The following LNX1 variants were observed in gnomAD, a reference collection of about 807,000 sequenced individuals.
LNX1 encodes the protein E3 ubiquitin-protein ligase LNX.
LNX1 carries 54 observed loss-of-function variants against 68.4 expected under a neutral mutation model. The observed-to-expected ratio is 0.79, with a 90% confidence interval of 0.63 to 0.99. The LOEUF (loss-of-function observed/expected upper bound fraction) is 0.99. Among genes scored for constraint, LNX1 ranks in the 50% least tolerant of loss-of-function variants. The pLI is 0.00. For synonymous variants in LNX1, 336 were observed against 350.0 expected (o/e 0.96, Z 0.45); for missense variants, 906 against 926.4 (o/e 0.98, Z 0.29).
At chr4:53,499,577 T>A (rs967410824) in intron 4 of LNX1, among the ~76,000 whole-genome samples, 1 of 152,260 alleles carries the variant, frequency 6.6e-6, no homozygotes, top group African/African-American at 2.4e-5. Context: ...TGAAGTTTAC[T>A]GAATTAATAG....
chr4:53,510,162 A>G (rs1285668341), intron 2 of LNX1, among the ~76,000 whole-genome samples: 1 of 152,242 alleles, frequency 6.6e-6, no homozygotes, highest in Non-Finnish European at 1.5e-5. Context: ...TGCCTATTTC[A>G]TGCCAAGCAA....
chr4:53,498,533 T>G, intron 5 of LNX1, 108 bp downstream of exon 5: 1 of 764,164 alleles, frequency 1.3e-6, no homozygotes. Context: ...ACTATCCACA[T>G]TTATTTTACC....
chr4:53,583,098 T>G (rs1425425978), intron 1 of LNX1, among the ~76,000 whole-genome samples: 1 of 152,204 alleles, frequency 6.6e-6, no homozygotes, highest in Non-Finnish European at 1.5e-5. Context: ...ACATTTTAAA[T>G]TTTAGATAAA....
At chr4:53,547,955 C>T (rs1371591415) in intron 2 of LNX1, among the ~76,000 whole-genome samples, 1 of 151,834 alleles carries the variant, frequency 6.6e-6, no homozygotes, top group Non-Finnish European at 1.5e-5. Context: ...TTTTACCTTC[C>T]TTTTTAAAAA....
rs1429609226 is a variant in LNX1, at chr4:53,498,835, T to C, written c.784A>G (p.Arg262Gly). ...CCATCTGGAATCAGGTGGTACAACCTTGGAAAGACTGAAATGGACAAAGAG... is the reference window on the plus strand; with the variant it reads ...CCATCTGGAATCAGGTGGTACAACCCTGGAAAGACTGAAATGGACAAAGAG... ...ENTTAPEVFPRLYHLIPDGEI... is the reference protein window; with the variant it reads ...ENTTAPEVFPGLYHLIPDGEI... Residue 262 changes from arginine to glycine, a missense_variant, in exon 5 of 11, where the codon AGG becomes GGG. Physicochemically the swap from Arg to Gly is moderately radical, Grantham distance 125 (BLOSUM62 -2). Coordinates refer to ENST00000263925, the MANE Select transcript of LNX1 (RefSeq NM_001126328.3). The C allele has an allele frequency of 4.3e-6, 7 of 1,612,922 alleles. No individual in the cohort carries two copies. The highest frequency in any genetic ancestry group is 2.2e-5 in the South Asian group (2 of 91,036).
At chr4:53,482,533 GA>G (rs1272004102) in intron 6 of LNX1, among the ~76,000 whole-genome samples, 1 of 152,170 alleles carries the variant, frequency 6.6e-6, no homozygotes, top group African/African-American at 2.4e-5. Flanking sequence ...CCACAAAAAA[GA>G]ATGAAAAAAT....
intron 2 of LNX1, among the ~76,000 whole-genome samples, chr4:53,567,865 C>G (rs1425423505): frequency 6.6e-6 from 1 of 152,068 alleles, no homozygotes; most frequent in Non-Finnish European, 1.5e-5. Flanking sequence ...ATACTACAAA[C>G]ACCTCTATGC....
At chr4:53,521,931 C>T (rs4864782) in intron 2 of LNX1, among the ~76,000 whole-genome samples, 7,383 of 151,998 alleles carry the variant, frequency 0.049, 532 homozygotes, top group African/African-American at 0.16. Context: ...TCCTGAGTAG[C>T]TAGGACTACA....
At chr4:53,562,166 C>G (rs893031142) in intron 2 of LNX1, among the ~76,000 whole-genome samples, 1 of 152,184 alleles carries the variant, frequency 6.6e-6, no homozygotes, top group Non-Finnish European at 1.5e-5. Flanking sequence ...AAATAAGTCT[C>G]GCTCAGGATC....
intron 2 of LNX1, among the ~76,000 whole-genome samples, chr4:53,521,604 A>G (rs1217528571): frequency 6.6e-6 from 1 of 152,188 alleles, no homozygotes; most frequent in Non-Finnish European, 1.5e-5. Flanking sequence ...GTATTTGCTA[A>G]ATGAGCTTCC....
intron 2 of LNX1, among the ~76,000 whole-genome samples, chr4:53,520,304 C>A (rs1027312747): frequency 1.3e-5 from 2 of 152,176 alleles, no homozygotes; most frequent in Non-Finnish European, 2.9e-5. Context: ...GCCTGGAGTG[C>A]CTGATAAATA....
chr4:53,498,140 CT>C (rs1257321643), intron 5 of LNX1, among the ~76,000 whole-genome samples: 5 of 152,074 alleles, frequency 3.3e-5, no homozygotes, highest in Non-Finnish European at 7.4e-5. Context: ...ATAGAGATTA[CT>C]TTTATTTTCA....
At position 53,460,935 on chromosome 4, in the gene LNX1, A is replaced by ATAGT. The variant is rs767252567; in HGVS notation, c.2155_2158dup (p.Ile720AsnfsTer27). On this transcript the variant is annotated frameshift_variant, in exon 11 of 11. Transcript: ENST00000263925. LOFTEE classifies it high-confidence loss of function. Reference sequence around the variant, plus strand: ...TAAAAAAGTGCCAGGCCAAGAAACAATAGTTAGAGTAATTCTTCCTTTAAG... The same window carrying ATAGT: ...TAAAAAAGTGCCAGGCCAAGAAACAATAGTTAGTTAGAGTAATTCTTCCTTTAAG... 1.1e-4 allele frequency: 176 copies of ATAGT among 1,610,748 alleles called. No individual in the cohort carries two copies. Among genetic ancestry groups the ATAGT allele is most frequent in the Middle Eastern group, 1.7e-4 (1 of 6,046 alleles).
At chr4:53,521,559 A>G (rs563095620) in intron 2 of LNX1, among the ~76,000 whole-genome samples, 1 of 152,294 alleles carries the variant, frequency 6.6e-6, no homozygotes, top group East Asian at 1.9e-4. Flanking sequence ...ATATTTTTAC[A>G]TGAAACAAAA....
intron 2 of LNX1, among the ~76,000 whole-genome samples, chr4:53,514,893 C>T (rs1174258578): frequency 6.6e-6 from 1 of 152,122 alleles, no homozygotes; most frequent in African/African-American, 2.4e-5. Context: ...CTCAAGAGAA[C>T]ATTTAACTGA....
chr4:53,492,506 T>TGAGAGAGAGAGAGAGAGA (rs58715153), intron 6 of LNX1, among the ~76,000 whole-genome samples: 8,172 of 88,724 alleles, frequency 0.092, 1,243 homozygotes, highest in Non-Finnish European at 0.11. Context: ...CAGAGGGCTC[T>TGAGAGAGAGAGAGAGAGA]GAGAGAGAGA....
intron 2 of LNX1, among the ~76,000 whole-genome samples, chr4:53,541,274 A>G (rs144296938): frequency 6.6e-6 from 1 of 152,196 alleles, no homozygotes; most frequent in Non-Finnish European, 1.5e-5. Context: ...AACTGAATCA[A>G]CTTCAGCAAA....
At chr4:53,513,079 C>T (rs2109539335) in intron 2 of LNX1, among the ~76,000 whole-genome samples, 1 of 148,278 alleles carries the variant, frequency 6.7e-6, no homozygotes. Context: ...ATCCTCTACC[C>T]CACTGCATCT....
At chr4:53,539,192 T>G (rs970511570) in intron 2 of LNX1, 5 of 152,222 alleles carry the variant, frequency 3.3e-5, no homozygotes, top group Admixed American at 6.5e-5. Context: ...TCAAGGGCTC[T>G]CTCTGGCACC....
Sources: gnomAD v4.1 joint callset for allele counts (sites outside exome capture counted in the v4.1 genomes callset) on GRCh38, gnomAD v4.1.1 for gene constraint, MANE v1.5 for transcripts, NCBI Gene and HGNC (gene_info 2026-07-23, HGNC 2026-07-21) for gene names.